The following GNAL variants were observed in gnomAD, a reference collection of about 807,000 sequenced individuals.
The protein encoded by GNAL is G protein subunit alpha L.
GNAL carries 18 observed loss-of-function variants against 55.1 expected under a neutral mutation model. That is an observed-to-expected ratio of 0.33 (90% CI 0.23 to 0.48). The LOEUF is 0.48. Ranked by LOEUF, GNAL falls within the 20% of genes least tolerant of loss-of-function variation. The probability of loss-of-function intolerance (pLI) is 0.99; values close to 1 mark genes in which losing one functional copy is unlikely to be tolerated. For synonymous variants in GNAL, 253 were observed against 237.0 expected (o/e 1.07, Z -0.62); for missense variants, 412 against 614.1 (o/e 0.67, Z 3.48).
intron 4 of GNAL, among the ~76,000 whole-genome samples, chr18:11,800,155 C>T (rs2034485941): frequency 1.3e-5 from 2 of 152,016 alleles, no homozygotes; most frequent in African/African-American, 2.4e-5. Context: ...ATTTCTTTCA[C>T]ACATAGTATA....
chr18:11,788,810 T>A (rs987999957), intron 4 of GNAL, among the ~76,000 whole-genome samples: 1 of 148,036 alleles, frequency 6.8e-6, no homozygotes, highest in Non-Finnish European at 1.5e-5. Flanking sequence ...GGCAGGAGAA[T>A]CGCTTGAATC....
chr18:11,753,971 T>C (rs1196016319), intron 4 of GNAL, 26 bp downstream of exon 4: 7 of 1,552,960 alleles, frequency 4.5e-6, no homozygotes, highest in Middle Eastern at 1.7e-4. Context: ...TGAAATATTC[T>C]AACTAGTGAA....
At chr18:11,786,268 T>C (rs2034052904) in intron 4 of GNAL, among the ~76,000 whole-genome samples, 1 of 151,856 alleles carries the variant, frequency 6.6e-6, no homozygotes, top group African/African-American at 2.4e-5. Flanking sequence ...TAGAGAAGAA[T>C]ATGAAAGAGG....
chr18:11,827,597 A>G (rs1598411305), intron 5 of GNAL, among the ~76,000 whole-genome samples: 1 of 152,190 alleles, frequency 6.6e-6, no homozygotes, highest in South Asian at 2.1e-4. Flanking sequence ...TGAGTGACAG[A>G]GCAAGGCTCG....
intron 5 of GNAL, among the ~76,000 whole-genome samples, chr18:11,848,708 C>T (rs765358656): frequency 3.3e-5 from 5 of 152,208 alleles, no homozygotes; most frequent in Non-Finnish European, 1.5e-5. Flanking sequence ...CCACCCACCT[C>T]AGCCCCCCAA....
At chr18:11,831,405 C>T (rs1407742774) in intron 5 of GNAL, among the ~76,000 whole-genome samples, 3 of 152,124 alleles carry the variant, frequency 2.0e-5, no homozygotes, top group Admixed American at 2.0e-4. Context: ...AGTACATGCC[C>T]CCACACACTC....
chr18:11,754,965 A>G (rs939468620), intron 4 of GNAL, among the ~76,000 whole-genome samples: 2 of 151,064 alleles, frequency 1.3e-5, no homozygotes, highest in African/African-American at 2.4e-5. Context: ...AGTCATTTTC[A>G]TTTTTGTTAC....
At chr18:11,768,963 AATATATTATATATATTATATATTCTATAT>A (rs2033514094) in intron 4 of GNAL, among the ~76,000 whole-genome samples, 1 of 101,810 alleles carries the variant, frequency 9.8e-6, no homozygotes, top group Admixed American at 1.1e-4. Flanking sequence ...TGTTATATAT[AATATATTATATATATTATATATTCTATAT>A]TATAATATAG....
chr18:11,751,536 G>A lies in GNAL; in HGVS notation c.377-1317G>A, dbSNP rs553992851. 1.0e-6 allele frequency: 1 copy of A among 985,526 alleles called. No homozygotes were observed. Among genetic ancestry groups the A allele is most frequent in the African/African-American group, 1.7e-5 (1 of 57,374 alleles). The allele number at this position is 985,526 out of a possible 1,614,324, so 61.0% of individuals were successfully genotyped here. ...GAGCCTCGGAGGGATCCTCCTCCCT[G>A]CTAGAATATGCATGATCCTCCGCGA... On this transcript the variant is annotated intron_variant, in intron 1 of 11. Coordinates refer to ENST00000334049, the MANE Select transcript of GNAL (RefSeq NM_182978.4). This position sits in a 1 kb window ranked among gnomAD's most constrained non-coding sequence, Gnocchi z 4.5.
chr18:11,808,413 C>T (rs2034721298), intron 4 of GNAL, among the ~76,000 whole-genome samples: 1 of 152,162 alleles, frequency 6.6e-6, no homozygotes, highest in South Asian at 2.1e-4. Context: ...AATGTTGGGA[C>T]TATCTCTGTG....
At chr18:11,710,384 T>C (rs887449087) in intron 1 of GNAL, among the ~76,000 whole-genome samples, 9 of 152,242 alleles carry the variant, frequency 5.9e-5, no homozygotes, top group African/African-American at 2.2e-4. Flanking sequence ...CATTTTTATA[T>C]AGTTAGTGTT....
intron 5 of GNAL, chr18:11,852,120 C>A (rs375387808): frequency 1.3e-6 from 2 of 1,580,380 alleles, no homozygotes; most frequent in Non-Finnish European, 1.7e-6. Context: ...GACGGCAGAA[C>A]CCGCTCTGAG....
Position 11,884,234 on chromosome 18 carries a change from C to T in GNAL, c.*3099C>T, listed in dbSNP as rs2036844550. The T allele has an allele frequency of 1.9e-6, 1 of 538,574 alleles. No individual in the cohort carries two copies. Among genetic ancestry groups the T allele is most frequent in the Admixed American group, 3.2e-5 (1 of 31,610 alleles). The allele number at this position is 538,574 out of a possible 1,614,324, so 33.4% of individuals were successfully genotyped here. ...CATATATTTGATAAAAATGAGAAAA[C>T]AGATTTGTTGTAGAGTACCTGTCCA... On this transcript the variant is annotated 3_prime_UTR_variant, in exon 12 of 12. Transcript: ENST00000334049.
chr18:11,780,106 C>T (rs1438806919), intron 4 of GNAL, among the ~76,000 whole-genome samples: 2 of 152,098 alleles, frequency 1.3e-5, no homozygotes, highest in Non-Finnish European at 2.9e-5. Flanking sequence ...AGATGGTTTG[C>T]GTTACATTTC....
At chr18:11,789,971 A>AGTAG (rs2034182661) in intron 4 of GNAL, among the ~76,000 whole-genome samples, 1 of 152,268 alleles carries the variant, frequency 6.6e-6, no homozygotes, top group African/African-American at 2.4e-5. Context: ...ACACAGGAAT[A>AGTAG]GTTGAAGAAG....
rs35455680 is a variant in GNAL at position 11,703,795 on chromosome 18, GCACACA to G, written c.376+13891_376+13896del. Among the ~76,000 whole-genome samples the G allele has an allele frequency of 4.8e-3, 678 of 141,490 alleles. 3 individuals carry two copies. Among genetic ancestry groups the G allele is most frequent in the Middle Eastern group, 7.1e-3 (2 of 282 alleles). The allele number at this position is 141,490 out of a possible 152,430, so 92.8% of individuals were successfully genotyped here. A position where few individuals can be genotyped will look rare whatever the true frequency, so the allele number is the denominator to read the frequency against. On this transcript the variant is annotated intron_variant, in intron 1 of 11. Coordinates refer to ENST00000334049, the MANE Select transcript of GNAL (RefSeq NM_182978.4). ...GGGATAGGAGGCCCAGTGTTGATGG[GCACACA>G]CACACACACACACACACACACACAC...
intron 1 of GNAL, among the ~76,000 whole-genome samples, chr18:11,692,307 G>C (rs575267720): frequency 6.6e-6 from 1 of 152,200 alleles, no homozygotes; most frequent in East Asian, 1.9e-4. Context: ...CCTAGCTGTT[G>C]TATCCTGTTG....
chr18:11,698,624 G>A (rs1196367030), intron 1 of GNAL, among the ~76,000 whole-genome samples: 4 of 152,124 alleles, frequency 2.6e-5, no homozygotes. Flanking sequence ...CTGCTCTTGG[G>A]AGGACTTTGC....
intron 1 of GNAL, among the ~76,000 whole-genome samples, chr18:11,703,795 G>GCACACACACACACACACACACACACA (rs35455680): frequency 2.8e-5 from 4 of 141,410 alleles, no homozygotes; most frequent in African/African-American, 1.1e-4. Flanking sequence ...GTGTTGATGG[G>GCACACACACACACACACACACACACA]CACACACACA....
Sources: allele counts gnomAD v4.1 joint callset (sites outside exome capture counted in the v4.1 genomes callset), GRCh38; gene constraint gnomAD v4.1.1; non-coding constraint Gnocchi (gnomAD v3.1); transcripts MANE v1.5; gene names NCBI Gene and HGNC (gene_info 2026-07-23, HGNC 2026-07-21).